The following NEMP2 variants were observed in gnomAD, a reference collection of about 807,000 sequenced individuals.
NEMP2 encodes nuclear envelope integral membrane protein 2, also known as UPF0571 transmembrane protein.
NEMP2 carries 53 observed loss-of-function variants against 54.2 expected under a neutral mutation model. The observed-to-expected ratio is 0.98, with a 90% confidence interval of 0.78 to 1.23. NEMP2 has a LOEUF of 1.23. Ranked by LOEUF, NEMP2 falls within the 50% of genes most tolerant of loss-of-function variation. The pLI is 0.00. For synonymous variants in NEMP2, 197 were observed against 190.3 expected (o/e 1.04, Z -0.29); for missense variants, 455 against 511.3 (o/e 0.89, Z 1.06).
the NEMP2 span, among the ~76,000 whole-genome samples, chr2:190,572,444 A>G: frequency 1.3e-4 from 20 of 152,182 alleles, no homozygotes; most frequent in East Asian, 3.3e-3. Flanking sequence ...CTCATATTCT[A>G]TTGACAAGAA....
At chr2:190,474,756 A>G in the NEMP2 span, among the ~76,000 whole-genome samples, 1 of 152,242 alleles carries the variant, frequency 6.6e-6, no homozygotes, top group African/African-American at 2.4e-5. Flanking sequence ...TGGCACAGAC[A>G]CAACCAAAAA....
chr2:190,490,348 G>A, the NEMP2 span, among the ~76,000 whole-genome samples: 3 of 151,900 alleles, frequency 2.0e-5, no homozygotes, highest in East Asian at 5.8e-4. The surrounding 1 kb of genome is among the most constrained non-coding windows in gnomAD (Gnocchi z 4.5). Flanking sequence ...TGGATCACGA[G>A]GTTAGGAGAT....
chr2:190,492,599 A>G, the NEMP2 span, among the ~76,000 whole-genome samples: 4 of 152,250 alleles, frequency 2.6e-5, no homozygotes, highest in Non-Finnish European at 5.9e-5. This position sits in a 1 kb window ranked among gnomAD's most constrained non-coding sequence, Gnocchi z 5.2. Flanking sequence ...GAACTGAACA[A>G]TAATAGTGAC....
chr2:190,438,619 G>A, the NEMP2 span, among the ~76,000 whole-genome samples: 2 of 152,110 alleles, frequency 1.3e-5, no homozygotes, highest in East Asian at 3.9e-4. This position sits in a 1 kb window ranked among gnomAD's most constrained non-coding sequence, Gnocchi z 5.2. Context: ...TGCTCTGTTG[G>A]CTCTAAATGT....
At chr2:190,630,647 T>C in the NEMP2 span, among the ~76,000 whole-genome samples, 2 of 152,230 alleles carry the variant, frequency 1.3e-5, no homozygotes, top group African/African-American at 2.4e-5. The surrounding 1 kb of genome is among the most constrained non-coding windows in gnomAD (Gnocchi z 5.5). Context: ...AAAGACTACA[T>C]TGACCTGGTT....
the NEMP2 span, among the ~76,000 whole-genome samples, chr2:190,643,866 A>G: frequency 6.6e-6 from 1 of 152,178 alleles, no homozygotes; most frequent in Non-Finnish European, 1.5e-5. Flanking sequence ...TTGAGGCTGC[A>G]GTGAAAGCCA....
At chr2:190,564,124 C>T in the NEMP2 span, among the ~76,000 whole-genome samples, 1 of 152,200 alleles carries the variant, frequency 6.6e-6, no homozygotes, top group African/African-American at 2.4e-5. This position sits in a 1 kb window ranked among gnomAD's most constrained non-coding sequence, Gnocchi z 4.2. Flanking sequence ...AGATCATATG[C>T]CACATGGTGT....
rs1690264208 is a variant in NEMP2, at chr2:190,509,000, T to C, written c.*189A>G. ...TGGTATCCACCTACAGTACAATAAGTAGCAGAAGTCACCAAGAATGCTAAG... is the reference window on the plus strand; with the variant it reads ...TGGTATCCACCTACAGTACAATAAGCAGCAGAAGTCACCAAGAATGCTAAG... On this transcript the variant is annotated 3_prime_UTR_variant, in exon 9 of 9. Transcript: ENST00000409150. The surrounding 1 kb of genome is among the most constrained non-coding windows in gnomAD (Gnocchi z 4.3). The C allele has an allele frequency of 3.7e-6, 3 of 808,146 alleles. No homozygotes were observed. In the East Asian group the frequency reaches 8.3e-5, roughly 22 times the overall value. 50.1% of individuals were successfully genotyped at this position (808,146 alleles called of 1,614,324 possible).
chr2:190,563,355 CG>C, the NEMP2 span, among the ~76,000 whole-genome samples: 1 of 152,188 alleles, frequency 6.6e-6, no homozygotes, highest in African/African-American at 2.4e-5. This position sits in a 1 kb window ranked among gnomAD's most constrained non-coding sequence, Gnocchi z 4.3. Flanking sequence ...CTCTCCTTCA[CG>C]CAGGTAGACG....
At chr2:190,477,096 C>G in the NEMP2 span, 1 of 176,412 alleles carries the variant, frequency 5.7e-6, no homozygotes, top group Admixed American at 6.6e-5. Context: ...GGAGATATAC[C>G]TAATGTTAAA....
the NEMP2 span, among the ~76,000 whole-genome samples, chr2:190,464,337 G>A: frequency 6.6e-6 from 1 of 152,186 alleles, no homozygotes; most frequent in African/African-American, 2.4e-5. Context: ...GTTGCCATCA[G>A]TCATTAGGTG....
chr2:190,634,546 A>G, the NEMP2 span, among the ~76,000 whole-genome samples: 8 of 152,238 alleles, frequency 5.3e-5, no homozygotes, highest in Non-Finnish European at 1.5e-5. This position sits in a 1 kb window ranked among gnomAD's most constrained non-coding sequence, Gnocchi z 6.8. Flanking sequence ...ATAATTAGAA[A>G]GAGATGGAAA....
chr2:190,604,042 T>G, the NEMP2 span, among the ~76,000 whole-genome samples: 2 of 152,238 alleles, frequency 1.3e-5, no homozygotes, highest in Admixed American at 6.5e-5. The surrounding 1 kb of genome is among the most constrained non-coding windows in gnomAD (Gnocchi z 4.5). Flanking sequence ...TGAATGTCAT[T>G]TACTTCTTTC....
rs1488303596 is a variant in NEMP2, at chr2:190,505,010, G to A, written c.*4179C>T. On this transcript the variant is annotated 3_prime_UTR_variant, in exon 9 of 9. Transcript: ENST00000409150. The surrounding 1 kb of genome is among the most constrained non-coding windows in gnomAD (Gnocchi z 5.8). ...TAATAATTTAGTGTATCTTACAAAAGTATTACTAGTGATGAACTAGAGGGA... is the reference window on the plus strand; with the variant it reads ...TAATAATTTAGTGTATCTTACAAAAATATTACTAGTGATGAACTAGAGGGA... 2 of 152,116 alleles carry A rather than the reference G, an allele frequency of 1.3e-5. No homozygotes were observed. Among genetic ancestry groups the A allele is most frequent in the African/African-American group, 4.8e-5 (2 of 41,408 alleles). 9.4% of individuals were successfully genotyped at this position (152,116 alleles called of 1,614,324 possible).
At chr2:190,465,250 A>G in the NEMP2 span, among the ~76,000 whole-genome samples, 1 of 152,066 alleles carries the variant, frequency 6.6e-6, no homozygotes, top group Non-Finnish European at 1.5e-5. The surrounding 1 kb of genome is among the most constrained non-coding windows in gnomAD (Gnocchi z 4.6). Context: ...GCTTCTTATC[A>G]ATTGTGTTCC....
At chr2:190,481,722 G>A in the NEMP2 span, among the ~76,000 whole-genome samples, 3 of 152,216 alleles carry the variant, frequency 2.0e-5, no homozygotes, top group Non-Finnish European at 4.4e-5. Context: ...AATGCATGAA[G>A]GGGATTCTTG....
the NEMP2 span, among the ~76,000 whole-genome samples, chr2:190,613,837 G>A: frequency 6.6e-6 from 1 of 151,852 alleles, no homozygotes; most frequent in Admixed American, 6.6e-5. Flanking sequence ...TGATCTGCCC[G>A]CCTCGGCCTC....
At chr2:190,565,750 C>G in the NEMP2 span, among the ~76,000 whole-genome samples, 1 of 152,042 alleles carries the variant, frequency 6.6e-6, no homozygotes, top group Admixed American at 6.6e-5. Flanking sequence ...CAGAATGTAG[C>G]CTTATTTGGA....
chr2:190,540,712 T>C, the NEMP2 span, among the ~76,000 whole-genome samples: 3 of 152,342 alleles, frequency 2.0e-5, no homozygotes, highest in Admixed American at 1.3e-4. Context: ...TGGGTCCTTA[T>C]CTGGTTTTGG....
Sources: gnomAD v4.1 joint callset for allele counts (sites outside exome capture counted in the v4.1 genomes callset) on GRCh38, gnomAD v4.1.1 for gene constraint, Gnocchi (gnomAD v3.1) non-coding constraint, MANE v1.5 for transcripts, NCBI Gene and HGNC (gene_info 2026-07-23, HGNC 2026-07-21) for gene names.